PXDN: variants seen among roughly 807,000 people sequenced by gnomAD.
The protein encoded by PXDN is peroxidasin homolog.
PXDN carries 77 observed loss-of-function variants against 140.3 expected under a neutral mutation model. The ratio of observed to expected loss-of-function variants is 0.55; its 90% CI spans 0.46 to 0.66. The LOEUF (loss-of-function observed/expected upper bound fraction) is 0.66, where lower values mean the gene tolerates loss of function less well. Among genes scored for constraint, PXDN ranks in the 30% least tolerant of loss-of-function variants. The pLI is 0.00. For synonymous variants in PXDN, 911 were observed against 857.4 expected (o/e 1.06, Z -1.09); for missense variants, 1,838 against 2,039.5 (o/e 0.90, Z 1.90).
At chr2:1,643,662 A>G in intron 18 of PXDN, 86 bp from the exon 19 acceptor site, 1 of 1,401,704 alleles carries the variant, frequency 7.1e-7, no homozygotes, top group Admixed American at 1.7e-5. Flanking sequence ...TCCCCTGCTT[A>G]GTTCACAGCA....
intron 8 of PXDN, among the ~76,000 whole-genome samples, chr2:1,674,933 G>A (rs1172012356): frequency 1.3e-5 from 2 of 152,196 alleles, no homozygotes; most frequent in Non-Finnish European, 2.9e-5. Flanking sequence ...AGCAGCACCA[G>A]CACTGTGCAA....
In PXDN at chr2:1,634,016, C is replaced by T; in HGVS notation, c.*188G>A. 1 of 769,810 alleles carries T rather than the reference C, an allele frequency of 1.3e-6. No homozygotes were observed. Among genetic ancestry groups the T allele is most frequent in the East Asian group, 2.9e-5 (1 of 33,994 alleles). The allele number at this position is 769,810 out of a possible 1,614,324, so 47.7% of individuals were successfully genotyped here. A position where few individuals can be genotyped will look rare whatever the true frequency, so the allele number is the denominator to read the frequency against. Reference sequence around the variant, plus strand: ...TGCTTCCCTTCAGGCACCTGCTGTGCCTCCTTCTCCGCAGATGCTCTGGTT... The same window carrying T: ...TGCTTCCCTTCAGGCACCTGCTGTGTCTCCTTCTCCGCAGATGCTCTGGTT... On this transcript the variant is annotated 3_prime_UTR_variant, in exon 23 of 23. Transcript: ENST00000252804.
rs756202511 is a variant in PXDN at position 1,660,159 on chromosome 2, G to GTT, written c.1837+721_1837+722insAA. 6.6e-6 allele frequency among the ~76,000 whole-genome samples: 1 copy of GTT among 152,194 alleles called. No homozygotes were observed. The highest frequency in any genetic ancestry group is 1.5e-5 in the Non-Finnish European group (1 of 68,034). On this transcript the variant is annotated intron_variant, in intron 14 of 22. Transcript: ENST00000252804. This position sits in a 1 kb window ranked among gnomAD's most constrained non-coding sequence, Gnocchi z 4.6. ...AAGACTCCATGCAAAGCTAAAGGGTGTGAGTGTCACCCTGGTGGCCACAGG... is the reference window on the plus strand; with the variant it reads ...AAGACTCCATGCAAAGCTAAAGGGTGTTTGAGTGTCACCCTGGTGGCCACAGG...
intron 1 of PXDN, among the ~76,000 whole-genome samples, chr2:1,728,536 G>A (rs898759157): frequency 1.3e-5 from 2 of 152,254 alleles, no homozygotes; most frequent in Non-Finnish European, 2.9e-5. Context: ...AGCTGAGCTG[G>A]TAAAGCTGAC....
intron 16 of PXDN, 114 bp downstream of exon 16, chr2:1,653,514 A>G (rs1366768632): frequency 7.2e-7 from 1 of 1,385,266 alleles, no homozygotes; most frequent in African/African-American, 1.4e-5. Context: ...ACAGTTCATA[A>G]GCACAGTGGG....
chr2:1,680,827 C>T (rs950334457), intron 6 of PXDN, among the ~76,000 whole-genome samples: 3 of 152,186 alleles, frequency 2.0e-5, no homozygotes, highest in Admixed American at 1.3e-4. Flanking sequence ...CATCTCCCTC[C>T]GGCCTGAGGC....
At chr2:1,706,042 G>A (rs1572177411) in intron 1 of PXDN, among the ~76,000 whole-genome samples, 1 of 152,166 alleles carries the variant, frequency 6.6e-6, no homozygotes, top group Non-Finnish European at 1.5e-5. Flanking sequence ...CTTCTTCAGG[G>A]TCTCCAGACC....
At position 1,648,885 on chromosome 2, in the gene PXDN, C is replaced by G. The variant is rs555958861; in HGVS notation, c.2895G>C (p.Glu965Asp). Residue 965 changes from glutamate (E) to aspartate (D), a missense_variant, in exon 17 of 23, where the codon GAG becomes GAC. This residue lies in a region of PXDN where 850 missense variants were observed against 894.1 expected (regional missense o/e 0.95). Coordinates refer to ENST00000252804, the MANE Select transcript of PXDN (RefSeq NM_012293.3). The surrounding 1 kb of genome is among the most constrained non-coding windows in gnomAD (Gnocchi z 8.9). ...CGGCCAGGAAGCAGGGGATGGGGCT[C>G]TCGTTCTCGTCCCGCATGCACTCCG... ...PPTECMRDEN[E>D]SPIPCFLAGD... is the part of the protein sequence containing the mutation. The G allele has an allele frequency of 3.1e-6, 5 of 1,601,936 alleles. No individual in the cohort carries two copies. The South Asian group carries it at 5.5e-5, about 18-fold the overall frequency.
intron 1 of PXDN, among the ~76,000 whole-genome samples, chr2:1,696,549 G>C (rs968650009): frequency 6.6e-6 from 1 of 152,156 alleles, no homozygotes; most frequent in African/African-American, 2.4e-5. Flanking sequence ...ACTGCAGAGG[G>C]GAGAGGACTT....
At chr2:1,656,841 T>C (rs897317075) in intron 14 of PXDN, among the ~76,000 whole-genome samples, 3 of 144,064 alleles carry the variant, frequency 2.1e-5, no homozygotes, top group Non-Finnish European at 3.0e-5. Flanking sequence ...ACCTGTACCC[T>C]CTTGACAGGG....
chr2:1,734,295 T>C (rs988734453), intron 1 of PXDN, among the ~76,000 whole-genome samples: 1 of 152,194 alleles, frequency 6.6e-6, no homozygotes, highest in Non-Finnish European at 1.5e-5. Flanking sequence ...AAAATATACA[T>C]ACTTTAAAAA....
rs768527807 is a variant in PXDN, at chr2:1,633,622, G to A, written c.*582C>T. On this transcript the variant is annotated 3_prime_UTR_variant, in exon 23 of 23. Transcript: ENST00000252804. ...GAGGTTCCCAGGGAAGAGGCCGGGG[G>A]CTTGCACTGCACCCCCAGACAGTGT... 1.3e-5 allele frequency: 2 copies of A among 151,544 alleles called. No individual in the cohort carries two copies. Among genetic ancestry groups the A allele is most frequent in the African/African-American group, 2.4e-5 (1 of 41,240 alleles). The allele number at this position is 151,544 out of a possible 1,614,324, so 9.4% of individuals were successfully genotyped here. A position where few individuals can be genotyped will look rare whatever the true frequency, so the allele number is the denominator to read the frequency against.
intron 1 of PXDN, among the ~76,000 whole-genome samples, chr2:1,725,796 A>T (rs1172753836): frequency 2.6e-5 from 4 of 152,258 alleles, no homozygotes; most frequent in Non-Finnish European, 5.9e-5. Flanking sequence ...TCAAAAGAAG[A>T]CATTTATGTA....
rs1245220208 is a variant in PXDN, at chr2:1,649,017, A to G, written c.2763T>C (p.His921=). The change falls in exon 17 of 23, where the codon CAT becomes CAC. Residue 921 remains histidine (H), a synonymous_variant. Transcript: ENST00000252804. This position sits in a 1 kb window ranked among gnomAD's most constrained non-coding sequence, Gnocchi z 7.1. ...DASNVYGSTE[H]EARSIRDLAS... ...CCAGGTCGCGGATGCTGCGGGCCTC[A>G]TGCTCCGTGCTCCCGTACACGTTGG... 6.2e-7 allele frequency: 1 copy of G among 1,612,420 alleles called. No individual in the cohort carries two copies. Among genetic ancestry groups the G allele is most frequent in the Non-Finnish European group, 8.5e-7 (1 of 1,179,740 alleles).
At chr2:1,663,497 G>T in intron 12 of PXDN, 108 bp downstream of exon 12, 9 of 1,455,946 alleles carry the variant, frequency 6.2e-6, no homozygotes, top group Non-Finnish European at 8.4e-6. Context: ...AGAGAGAACA[G>T]CCAACGCTTT....
Position 1,665,083 on chromosome 2 carries a change from G to A in PXDN, c.1292-9C>T. 6.4e-7 allele frequency: 1 copy of A among 1,570,608 alleles called. No individual in the cohort carries two copies. Among genetic ancestry groups the A allele is most frequent in the East Asian group, 2.3e-5 (1 of 43,884 alleles). ...AGTGAACTGAGGAAGAGCTTCCGGA[G>A]AGAAAGCATTCAAAACAGGACATGT... is the stretch of plus-strand genomic sequence containing the variant. On this transcript the variant is annotated splice_polypyrimidine_tract_variant and intron_variant, in intron 10 of 22. Transcript: ENST00000252804.
Position 1,648,550 on chromosome 2 carries a change from A to G in PXDN, c.3230T>C (p.Val1077Ala), listed in dbSNP as rs1682913975. ...GTCCAGCCGGTAAAGCAGTGGGTTGACAAGCGTGTGGCCAAACCTGAAGGC... is the reference window on the plus strand; with the variant it reads ...GTCCAGCCGGTAAAGCAGTGGGTTGGCAAGCGTGTGGCCAAACCTGAAGGC... ...TAAFRFGHTL[V>A]NPLLYRLDEN... The change falls in exon 17 of 23, where the codon GTC becomes GCC. Residue 1077 changes from valine to alanine, a missense_variant. This residue lies in a region of PXDN where 850 missense variants were observed against 894.1 expected (regional missense o/e 0.95). Coordinates refer to ENST00000252804, the MANE Select transcript of PXDN (RefSeq NM_012293.3). The surrounding 1 kb of genome is among the most constrained non-coding windows in gnomAD (Gnocchi z 8.9). 2 of 1,613,794 alleles carry G rather than the reference A, an allele frequency of 1.2e-6. No individual in the cohort carries two copies. Among genetic ancestry groups the G allele is most frequent in the East Asian group, 2.2e-5 (1 of 44,880 alleles).
chr2:1,744,340 C>G lies in PXDN; in HGVS notation c.116G>C (p.Arg39Pro). The change falls in exon 1 of 23, where the codon CGC (arginine) becomes CCC (proline). Residue 39 changes from arginine to proline, a missense_variant. Transcript: ENST00000252804. ...CACGGTGGTGCGGAAGCACAGGCAG[C>G]GGCTCGGACACCCTGCGCCCGGCTT... ...AQKPGAGCPS[R>P]CLCFRTTVRC... 1 of 1,527,544 alleles carries G rather than the reference C, an allele frequency of 6.5e-7. No homozygotes were observed. The highest frequency in any genetic ancestry group is 1.2e-5 in the South Asian group (1 of 83,162). The allele number at this position is 1,527,544 out of a possible 1,614,324, so 94.6% of individuals were successfully genotyped here.
At chr2:1,664,563 GTC>G (rs1683386859) in intron 11 of PXDN, 2 of 173,858 alleles carry the variant, frequency 1.2e-5, no homozygotes, top group African/African-American at 4.7e-5. Context: ...AAAGCTATTC[GTC>G]TGTTTCAATA....
Sources: allele counts gnomAD v4.1 joint callset (sites outside exome capture counted in the v4.1 genomes callset), GRCh38; gene constraint gnomAD v4.1.1; regional missense constraint gnomAD v4.1.1; non-coding constraint Gnocchi (gnomAD v3.1); transcripts MANE v1.5; gene names NCBI Gene and HGNC (gene_info 2026-07-23, HGNC 2026-07-21).